MAPKAPK5: variants seen among roughly 807,000 people sequenced by gnomAD.
The protein encoded by MAPKAPK5 is MAPK activated protein kinase 5, also known as MAP kinase-activated protein kinase 5.
Under a neutral mutation model 65.1 loss-of-function variants are expected in MAPKAPK5, and 30 were observed. That is an observed-to-expected ratio of 0.46 (90% CI 0.34 to 0.63). The LOEUF (loss-of-function observed/expected upper bound fraction) is 0.63. MAPKAPK5 is among the 20% of genes least tolerant of loss of function. The pLI is 0.01. For missense variants in MAPKAPK5, 433 were observed against 581.4 expected (o/e 0.74, Z 2.63); for synonymous variants, 179 against 204.6 (o/e 0.87, Z 1.07).
intron 13 of MAPKAPK5, among the ~76,000 whole-genome samples, chr12:111,891,242 T>A (rs2136160063): frequency 1.3e-5 from 2 of 151,032 alleles, no homozygotes; most frequent in South Asian, 4.2e-4. Flanking sequence ...TACAGGCACG[T>A]ACCACCATGC....
At chr12:111,873,958 T>C (rs1033282366) in intron 7 of MAPKAPK5, among the ~76,000 whole-genome samples, 3 of 152,216 alleles carry the variant, frequency 2.0e-5, no homozygotes, top group Admixed American at 1.3e-4. Context: ...TCCCAATCGA[T>C]GAACAAGGTA....
In MAPKAPK5 at chr12:111,866,164, T is replaced by G. The variant is rs970954826; in HGVS notation, c.119T>G (p.Val40Gly). ...TTTTTCTCCAAATCTAGAGTCTGTG[T>G]AAAGAAATCTACTCAAGAACGGTTT... ...AGISGPVRVC[V>G]KKSTQERFAL... Residue 40 changes from valine to glycine, a missense_variant, in exon 3 of 14, where the codon GTA (valine) becomes GGA (glycine). Around this residue, in one of 3 missense-constraint regions of MAPKAPK5, gnomAD observed 165 missense variants for 180.0 expected, o/e 0.92. Transcript: ENST00000550735. 3.4e-5 allele frequency: 54 copies of G among 1,609,602 alleles called. No homozygotes were observed. The highest frequency in any genetic ancestry group is 4.5e-5 in the Non-Finnish European group (53 of 1,177,962).
chr12:111,853,367 G>C (rs1172796142), intron 1 of MAPKAPK5, among the ~76,000 whole-genome samples: 1 of 150,624 alleles, frequency 6.6e-6, no homozygotes, highest in Non-Finnish European at 1.5e-5. Context: ...GCGAAACTTC[G>C]TCTCAAAAAA....
Position 111,880,546 on chromosome 12 carries a change from C to G in MAPKAPK5, c.660+19C>G, listed in dbSNP as rs770563734. ...CAACAAGGTACAGGAAGAGATATTT[C>G]TCTTCATTTGACAGATGCAGCCCCT... On this transcript the variant is annotated intron_variant, in intron 8 of 13. Coordinates refer to ENST00000550735, the MANE Select transcript of MAPKAPK5 (RefSeq NM_003668.4). The G allele has an allele frequency of 3.7e-6, 6 of 1,609,590 alleles. No individual in the cohort carries two copies. In the Admixed American group the frequency reaches 1.0e-4, roughly 27 times the overall value.
chr12:111,889,969 C>G, intron 12 of MAPKAPK5, 71 bp from the exon 13 acceptor site: 1 of 934,598 alleles, frequency 1.1e-6, no homozygotes, highest in African/African-American at 1.6e-5. Context: ...CATCACGTCC[C>G]TCCATCTCTC....
rs181637764 is a variant in MAPKAPK5, at chr12:111,879,968, C to T, written c.580-479C>T. On this transcript the variant is annotated intron_variant, in intron 7 of 13. Transcript: ENST00000550735. ...TGTGGGGCTGCTAATGTTGTGACCC[C>T]CTCTGGAGTTCCTCCTCATGGGACA... 405 of 193,688 alleles carry T rather than the reference C, an allele frequency of 2.1e-3. 4 individuals carry two copies. The highest frequency in any genetic ancestry group is 8.8e-3 in the African/African-American group (383 of 43,700). 12.0% of individuals were successfully genotyped at this position (193,688 alleles called of 1,614,324 possible).
Position 111,842,590 on chromosome 12 carries a change from T to A in MAPKAPK5, c.-144T>A. ...AGCAGAGCCGGCGCCGGGGTCCTCA[T>A]CCCCACCGGTCCCGAGGGGCGGCTG... is the stretch of plus-strand genomic sequence containing the variant. On this transcript the variant is annotated 5_prime_UTR_variant, in exon 1 of 14. Transcript: ENST00000550735. 2.1e-6 allele frequency: 1 copy of A among 468,768 alleles called. No individual in the cohort carries two copies. The allele number at this position is 468,768 out of a possible 1,614,324, so 29.0% of individuals were successfully genotyped here. A position where few individuals can be genotyped will look rare whatever the true frequency, so the allele number is the denominator to read the frequency against.
In MAPKAPK5 at chr12:111,883,906, G is replaced by A; in HGVS notation, c.848+138G>A. 1 of 861,592 alleles carries A rather than the reference G, an allele frequency of 1.2e-6. No homozygotes were observed. The highest frequency in any genetic ancestry group is 1.7e-5 in the African/African-American group (1 of 58,814). 53.4% of individuals were successfully genotyped at this position (861,592 alleles called of 1,614,324 possible). A position where few individuals can be genotyped will look rare whatever the true frequency, so the allele number is the denominator to read the frequency against. ...TTAATATCACAGAAATCTCTCTGGAGCCTGAGGTGACTGTTCTCAGTGTCC... is the reference window on the plus strand; with the variant it reads ...TTAATATCACAGAAATCTCTCTGGAACCTGAGGTGACTGTTCTCAGTGTCC... On this transcript the variant is annotated intron_variant, in intron 9 of 13. Transcript: ENST00000550735. The surrounding 1 kb of genome is among the most constrained non-coding windows in gnomAD (Gnocchi z 4.8).
chr12:111,891,761 C>T (rs1238382162), intron 13 of MAPKAPK5, among the ~76,000 whole-genome samples: 5 of 149,934 alleles, frequency 3.3e-5, no homozygotes, highest in African/African-American at 1.2e-4. Context: ...GAGCTGAGAT[C>T]ACACCACTGC....
intron 1 of MAPKAPK5, among the ~76,000 whole-genome samples, chr12:111,853,929 T>C (rs187348265): frequency 1.1e-4 from 16 of 152,358 alleles, no homozygotes; most frequent in Admixed American, 5.9e-4. Context: ...TTCTTTATTC[T>C]TAATATAGTA....
intron 5 of MAPKAPK5, 65 bp downstream of exon 5, chr12:111,868,926 G>C (rs1168146725): frequency 3.3e-6 from 4 of 1,218,358 alleles, no homozygotes; most frequent in African/African-American, 3.1e-5. Flanking sequence ...AATTTCATTG[G>C]GGGGAAGAAA....
chr12:111,892,862 A>G, intron 13 of MAPKAPK5, 105 bp from the exon 14 acceptor site: 1 of 683,644 alleles, frequency 1.5e-6, no homozygotes, highest in Non-Finnish European at 2.4e-6. Context: ...CCCACTGGTG[A>G]GGGTGAATTT....
rs2069744574 is a variant in MAPKAPK5, at chr12:111,870,382, A to G, written c.483+22A>G. The G allele has an allele frequency of 1.9e-6, 3 of 1,579,820 alleles. No individual in the cohort carries two copies. The East Asian group carries it at 6.8e-5, about 36-fold the overall frequency. ...TTTGGTGAGAAGACTGTTTTTCTGC[A>G]TTTTAGTGCTGCAACTCTTAACATA... On this transcript the variant is annotated intron_variant, in intron 6 of 13. Coordinates refer to ENST00000550735, the MANE Select transcript of MAPKAPK5 (RefSeq NM_003668.4).
chr12:111,877,669 C>G (rs2070035015), intron 7 of MAPKAPK5, among the ~76,000 whole-genome samples: 1 of 151,942 alleles, frequency 6.6e-6, no homozygotes, highest in Admixed American at 6.6e-5. Flanking sequence ...TTGTATATTT[C>G]AGATATGAAT....
chr12:111,888,909 T>C lies in MAPKAPK5; in HGVS notation c.1125T>C (p.Tyr375=), dbSNP rs1466984750. 3 of 1,613,842 alleles carry C rather than the reference T, an allele frequency of 1.9e-6. No individual in the cohort carries two copies. Among genetic ancestry groups the C allele is most frequent in the African/African-American group, 1.3e-5 (1 of 75,034 alleles). The change falls in exon 12 of 14, where the codon TAT becomes TAC. Residue 375 remains tyrosine (Y), a synonymous_variant. Coordinates refer to ENST00000550735, the MANE Select transcript of MAPKAPK5 (RefSeq NM_003668.4). ...GCACCAAGCCAAAGGACAGTGTCTA[T>C]ATCCACGACCATGAGAATGGAGCCG... ...LLGTKPKDSV[Y]IHDHENGAED...
intron 7 of MAPKAPK5, among the ~76,000 whole-genome samples, chr12:111,877,108 C>T (rs1593167001): frequency 9.6e-6 from 1 of 104,616 alleles, no homozygotes. Context: ...ACCTCCACCT[C>T]CCGGGTTCAA....
At chr12:111,858,540 CTTTTTTTTTTT>C (rs60767498) in intron 1 of MAPKAPK5, among the ~76,000 whole-genome samples, 1 of 126,760 alleles carries the variant, frequency 7.9e-6, no homozygotes, top group Non-Finnish European at 1.6e-5. Flanking sequence ...TTGAGCACCT[CTTTTTTTTTTT>C]TTTTTTTTCC....
chr12:111,881,240 AT>A (rs1242007255), intron 8 of MAPKAPK5, among the ~76,000 whole-genome samples: 2 of 151,646 alleles, frequency 1.3e-5, no homozygotes, highest in Non-Finnish European at 2.9e-5. Flanking sequence ...CACTCAGCTA[AT>A]TTTTGTATTT....
At chr12:111,874,389 GCGTCT>G (rs2069884424) in intron 7 of MAPKAPK5, among the ~76,000 whole-genome samples, 1 of 146,796 alleles carries the variant, frequency 6.8e-6, no homozygotes. Flanking sequence ...GAGTGAAACT[GCGTCT>G]CAAAAAAAAA....
Sources: gnomAD v4.1 joint callset for allele counts (sites outside exome capture counted in the v4.1 genomes callset) on GRCh38, gnomAD v4.1.1 for gene constraint, gnomAD v4.1.1 regional missense constraint, Gnocchi (gnomAD v3.1) non-coding constraint, MANE v1.5 for transcripts, NCBI Gene and HGNC (gene_info 2026-07-23, HGNC 2026-07-21) for gene names.